Variants in MAGI2 observed in about 807,000 individuals in gnomAD.
The protein encoded by MAGI2 is membrane-associated guanylate kinase, WW and PDZ domain-containing protein 2.
Under a neutral mutation model 133.3 loss-of-function variants are expected in MAGI2, and 35 were observed. The observed-to-expected ratio is 0.26, with a 90% CI of 0.20 to 0.35. The LOEUF is 0.35. Among genes scored for constraint, MAGI2 ranks in the 10% least tolerant of loss-of-function variants. The probability of loss-of-function intolerance (pLI) is 1.00; values close to 1 mark genes in which losing one functional copy is unlikely to be tolerated. For synonymous variants in MAGI2, 729 were observed against 710.6 expected (o/e 1.03, Z -0.41); for missense variants, 1,636 against 1,863.4 (o/e 0.88, Z 2.25).
At chr7:78,440,678 G>A (rs556412586) in intron 6 of MAGI2, among the ~76,000 whole-genome samples, 4 of 152,276 alleles carry the variant, frequency 2.6e-5, no homozygotes, top group South Asian at 2.1e-4. Context: ...GAGGATGGGC[G>A]TGGTGGCTCA....
In MAGI2 at chr7:79,135,938, C is replaced by CGAAAGAAA. The variant is rs869064064; in HGVS notation, c.302-128740_302-128733dup. Reference sequence around the variant, plus strand: ...CTTGAGTGACAGAGTAAAATCCTCTCGAAAGAAAGAAAGAAAGAAAGAAAG... The same window carrying CGAAAGAAA: ...CTTGAGTGACAGAGTAAAATCCTCTCGAAAGAAAGAAAGAAAGAAAGAAAGAAAGAAAG... On this transcript the variant is annotated intron_variant, in intron 1 of 21. Transcript: ENST00000354212. Among the ~76,000 whole-genome samples, 242 of 63,016 alleles carry CGAAAGAAA rather than the reference C, an allele frequency of 3.8e-3. 13 individuals are homozygous for CGAAAGAAA. Among genetic ancestry groups the CGAAAGAAA allele is most frequent in the East Asian group, 0.014 (26 of 1,844 alleles). The allele number at this position is 63,016 out of a possible 152,430, so 41.3% of individuals were successfully genotyped here. A position where few individuals can be genotyped will look rare whatever the true frequency, so the allele number is the denominator to read the frequency against.
rs143624115 is a variant in MAGI2, at chr7:78,830,613, A to C, written c.418+176477T>G. On this transcript the variant is annotated intron_variant, in intron 2 of 21. Transcript: ENST00000354212. ...TTTAGTTTTCCTGTGATTTTCAGTTATCTCTAAAATCAGGGCTGTCTGCAT... is the reference window on the plus strand; with the variant it reads ...TTTAGTTTTCCTGTGATTTTCAGTTCTCTCTAAAATCAGGGCTGTCTGCAT... Among the ~76,000 whole-genome samples, 1,251 of 152,280 alleles carry C rather than the reference A, an allele frequency of 8.2e-3. 17 individuals are homozygous for C. The highest frequency in any genetic ancestry group is 0.028 in the African/African-American group (1,168 of 41,560).
At chr7:78,552,969 G>A (rs1431717744) in intron 3 of MAGI2, among the ~76,000 whole-genome samples, 1 of 152,082 alleles carries the variant, frequency 6.6e-6, no homozygotes, top group East Asian at 1.9e-4. Flanking sequence ...CTATGGATAT[G>A]AATGAGAGTT....
chr7:78,926,815 T>A (rs1799728749), intron 2 of MAGI2, among the ~76,000 whole-genome samples: 1 of 151,822 alleles, frequency 6.6e-6, no homozygotes, highest in African/African-American at 2.4e-5. Flanking sequence ...ATCTTTGTGT[T>A]TGGTGGGGAA....
At chr7:78,557,539 G>A (rs1372661238) in intron 3 of MAGI2, among the ~76,000 whole-genome samples, 2 of 152,134 alleles carry the variant, frequency 1.3e-5, no homozygotes, top group Admixed American at 6.5e-5. Context: ...ATGGTACTAT[G>A]AAACACATAT....
chr7:79,378,926 G>GTGTATATATATATATA (rs1158436636), intron 1 of MAGI2, among the ~76,000 whole-genome samples: 1 of 94,594 alleles, frequency 1.1e-5, no homozygotes, highest in African/African-American at 3.6e-5. Flanking sequence ...ATGTGTGTGT[G>GTGTATATATATATATA]TATATATATA....
intron 9 of MAGI2, among the ~76,000 whole-genome samples, chr7:78,337,711 T>C (rs1211623699): frequency 6.6e-6 from 1 of 152,218 alleles, no homozygotes; most frequent in East Asian, 1.9e-4. Context: ...AAAAGAAAAT[T>C]AATTTTGTCT....
intron 2 of MAGI2, among the ~76,000 whole-genome samples, chr7:78,877,167 T>C (rs1563612873): frequency 6.6e-6 from 1 of 152,212 alleles, no homozygotes; most frequent in African/African-American, 2.4e-5. Flanking sequence ...CGTGTACTGA[T>C]TTATTTTCAA....
intron 2 of MAGI2, among the ~76,000 whole-genome samples, chr7:78,654,038 T>G (rs189576115): frequency 1.3e-5 from 2 of 152,292 alleles, no homozygotes; most frequent in Non-Finnish European, 2.9e-5. Flanking sequence ...AATAATAGTA[T>G]TTTAGCAACA....
chr7:78,297,859 T>C (rs1302685198), intron 9 of MAGI2, among the ~76,000 whole-genome samples: 1 of 131,746 alleles, frequency 7.6e-6, no homozygotes, highest in Admixed American at 7.5e-5. Flanking sequence ...GGGGGAGGGA[T>C]AGCATTGGGA....
chr7:78,516,927 A>G (rs1796090937), intron 4 of MAGI2, among the ~76,000 whole-genome samples: 1 of 152,316 alleles, frequency 6.6e-6, no homozygotes, highest in South Asian at 2.1e-4. Context: ...GAAATCAGGT[A>G]AAGGGCTTTG....
chr7:79,385,867 A>G (rs918099405), intron 1 of MAGI2, among the ~76,000 whole-genome samples: 1 of 151,958 alleles, frequency 6.6e-6, no homozygotes, highest in Non-Finnish European at 1.5e-5. Context: ...AGTAACTGTG[A>G]GATAGTAGAT....
Position 79,324,653 on chromosome 7 carries a change from TATTATATATATATAAAATATATATA to T in MAGI2, c.301+128342_301+128366del, listed in dbSNP as rs1839518175. Among the ~76,000 whole-genome samples, 2 of 6,870 alleles carry T rather than the reference TATTATATATATATAAAATATATATA, an allele frequency of 2.9e-4. 1 individual carries two copies. The highest frequency in any genetic ancestry group is 6.7e-4 in the Non-Finnish European group (2 of 2,970). The allele number at this position is 6,870 out of a possible 152,430, so 4.5% of individuals were successfully genotyped here. On this transcript the variant is annotated intron_variant, in intron 1 of 21. Transcript: ENST00000354212. ...ATTATATATATATAAAATATATATA[TATTATATATATATAAAATATATATA>T]TATTATATATATATAAAATATATAT... is the stretch of plus-strand genomic sequence containing the variant.
intron 1 of MAGI2, among the ~76,000 whole-genome samples, chr7:79,086,142 G>A (rs1816466966): frequency 6.6e-6 from 1 of 151,838 alleles, no homozygotes; most frequent in South Asian, 2.1e-4. Context: ...TGCCCCCTCA[G>A]GCAGCTGTGA....
At chr7:78,988,494 A>C (rs1177259251) in intron 2 of MAGI2, among the ~76,000 whole-genome samples, 11 of 152,098 alleles carry the variant, frequency 7.2e-5, no homozygotes, top group Non-Finnish European at 1.5e-5. Flanking sequence ...ATTTTAAACA[A>C]AAGCAGAAAA....
chr7:78,710,434 C>T (rs1368346745), intron 2 of MAGI2, among the ~76,000 whole-genome samples: 2 of 152,094 alleles, frequency 1.3e-5, no homozygotes, highest in African/African-American at 4.8e-5. Flanking sequence ...ATATTAACCC[C>T]ATCAAAGAAT....
chr7:78,984,353 A>G (rs1002218401), intron 2 of MAGI2, among the ~76,000 whole-genome samples: 5 of 151,824 alleles, frequency 3.3e-5, no homozygotes, highest in African/African-American at 1.2e-4. Context: ...GTTCAAAACC[A>G]TCCATCTCAC....
intron 18 of MAGI2, among the ~76,000 whole-genome samples, 171 bp from the exon 19 acceptor site, chr7:78,127,587 C>A (rs1237174548): frequency 6.6e-6 from 1 of 152,164 alleles, no homozygotes; most frequent in Non-Finnish European, 1.5e-5. Context: ...ATTTAAAAAT[C>A]TCTGACAAAT....
chr7:78,724,735 C>T (rs1424546922), intron 2 of MAGI2, among the ~76,000 whole-genome samples: 3 of 152,048 alleles, frequency 2.0e-5, no homozygotes, highest in South Asian at 4.1e-4. Context: ...AGACATGTAC[C>T]CTGAGATATG....
Sources: allele counts gnomAD v4.1 joint callset (sites outside exome capture counted in the v4.1 genomes callset), GRCh38; gene constraint gnomAD v4.1.1; transcripts MANE v1.5; gene names NCBI Gene and HGNC (gene_info 2026-07-23, HGNC 2026-07-21).